Variants in AGMO observed in about 807,000 individuals in gnomAD.
The protein encoded by AGMO is alkylglycerol monooxygenase.
A neutral mutation model predicts 60.2 loss-of-function variants in AGMO; 75 were observed. That is an observed-to-expected ratio of 1.25 (90% CI 1.03 to 1.51). AGMO has a LOEUF of 1.51. Among genes scored for constraint, AGMO ranks in the 40% most tolerant of loss-of-function variants. The pLI, the probability that AGMO is intolerant of heterozygous loss-of-function variation, is 0.00. For synonymous variants in AGMO, 261 were observed against 177.1 expected, an observed-to-expected ratio of 1.47 and a Z score of -3.76; for missense variants, 763 against 525.5, an observed-to-expected ratio of 1.45 and a Z score of -4.42.
chr7:15,521,615 G>C (rs904472802), intron 3 of AGMO, among the ~76,000 whole-genome samples: 1 of 152,136 alleles, frequency 6.6e-6, no homozygotes, highest in African/African-American at 2.4e-5. Flanking sequence ...TATCTCAATA[G>C]ATGCAGAAAA....
At chr7:15,521,692 G>A (rs777167119) in intron 3 of AGMO, among the ~76,000 whole-genome samples, 11 of 152,088 alleles carry the variant, frequency 7.2e-5, no homozygotes, top group East Asian at 5.8e-4. Context: ...TTGATACAAC[G>A]TATCCCAAAG....
chr7:15,292,208 G>A (rs11982712), intron 12 of AGMO, among the ~76,000 whole-genome samples: 2,002 of 152,236 alleles, frequency 0.013, 48 homozygotes, highest in African/African-American at 0.042. Context: ...TCTTCATCTT[G>A]GCTAAACATT....
chr7:15,355,044 C>T (rs974817366), intron 12 of AGMO, among the ~76,000 whole-genome samples: 9 of 152,018 alleles, frequency 5.9e-5, no homozygotes, highest in African/African-American at 2.2e-4. Context: ...TTCCTGCACT[C>T]ACTAACATAG....
the AGMO span, among the ~76,000 whole-genome samples, chr7:15,184,303 CAGGG>C: frequency 1.4e-4 from 3 of 21,630 alleles, no homozygotes; most frequent in African/African-American, 3.8e-4. Context: ...GGGAGGCAGG[CAGGG>C]AGGGAGGGAA....
chr7:15,143,635 A>G, the AGMO span, among the ~76,000 whole-genome samples: 1 of 152,014 alleles, frequency 6.6e-6, no homozygotes, highest in Non-Finnish European at 1.5e-5. Flanking sequence ...ATTCAGTGAA[A>G]CAAGATGAGC....
intron 3 of AGMO, among the ~76,000 whole-genome samples, chr7:15,525,533 G>C (rs1784105604): frequency 1.3e-5 from 2 of 152,164 alleles, no homozygotes; most frequent in South Asian, 4.1e-4. Flanking sequence ...CTGAGAGAGA[G>C]ACCCCGCTGA....
chr7:15,361,018 G>A (rs907253804), intron 12 of AGMO, among the ~76,000 whole-genome samples: 3 of 152,182 alleles, frequency 2.0e-5, no homozygotes, highest in African/African-American at 7.2e-5. Flanking sequence ...GCTATAGCTA[G>A]AATATTGGCA....
At chr7:15,343,879 G>C (rs994541921) in intron 12 of AGMO, among the ~76,000 whole-genome samples, 1 of 152,120 alleles carries the variant, frequency 6.6e-6, no homozygotes, top group Non-Finnish European at 1.5e-5. Context: ...TCTTAAGCAA[G>C]CATAGTTTAA....
intron 12 of AGMO, among the ~76,000 whole-genome samples, chr7:15,217,261 C>T (rs1781767924): frequency 6.6e-6 from 1 of 151,898 alleles, no homozygotes; most frequent in Non-Finnish European, 1.5e-5. Context: ...TTCCCATATC[C>T]CAAGGAACAT....
intron 6 of AGMO, among the ~76,000 whole-genome samples, chr7:15,391,653 G>C (rs1233460201): frequency 6.6e-6 from 1 of 152,038 alleles, no homozygotes; most frequent in Admixed American, 6.6e-5. Flanking sequence ...CCACACATTT[G>C]AATGCACAAA....
chr7:15,255,870 A>G (rs1425190765), intron 12 of AGMO, among the ~76,000 whole-genome samples: 2 of 152,240 alleles, frequency 1.3e-5, no homozygotes, highest in African/African-American at 4.8e-5. Context: ...GTAAAGCACC[A>G]TGATGAAATA....
At chr7:15,288,423 T>G (rs1274537095) in intron 12 of AGMO, among the ~76,000 whole-genome samples, 1 of 152,176 alleles carries the variant, frequency 6.6e-6, no homozygotes, top group Non-Finnish European at 1.5e-5. Context: ...TCACGAGGCA[T>G]TTCTTCCTGA....
chr7:15,130,445 C>T, the AGMO span, among the ~76,000 whole-genome samples: 17 of 152,054 alleles, frequency 1.1e-4, no homozygotes, highest in South Asian at 3.5e-3. Flanking sequence ...CATCTTTCTC[C>T]ACTCCTCACT....
chr7:15,310,482 A>G (rs1780737912), intron 12 of AGMO, among the ~76,000 whole-genome samples: 1 of 152,160 alleles, frequency 6.6e-6, no homozygotes, highest in Non-Finnish European at 1.5e-5. Flanking sequence ...TACTAATACT[A>G]AAAAACAAAA....
the AGMO span, among the ~76,000 whole-genome samples, chr7:15,185,498 C>T: frequency 6.6e-6 from 1 of 152,182 alleles, no homozygotes; most frequent in Non-Finnish European, 1.5e-5. Context: ...CTAAACCACG[C>T]ACTTTGGTAC....
At chr7:15,551,336 G>T (rs1784954725) in intron 2 of AGMO, among the ~76,000 whole-genome samples, 1 of 150,470 alleles carries the variant, frequency 6.6e-6, no homozygotes, top group Non-Finnish European at 1.5e-5. Flanking sequence ...GGCAGGAGAA[G>T]GAAATAAAGG....
intron 3 of AGMO, among the ~76,000 whole-genome samples, chr7:15,455,626 G>A (rs1206158762): frequency 6.6e-6 from 1 of 152,078 alleles, no homozygotes; most frequent in East Asian, 1.9e-4. Context: ...AGCAACTTCT[G>A]AAAATATGTT....
chr7:15,221,407 G>T (rs74547371), intron 12 of AGMO, among the ~76,000 whole-genome samples: 1 of 151,494 alleles, frequency 6.6e-6, no homozygotes, highest in Non-Finnish European at 1.5e-5. Context: ...CAGAAAGAGA[G>T]AAAAAAAATG....
At chr7:15,404,187 G>C (rs1030898741) in intron 5 of AGMO, among the ~76,000 whole-genome samples, 2 of 151,860 alleles carry the variant, frequency 1.3e-5, no homozygotes, top group South Asian at 2.1e-4. Flanking sequence ...AGAGTTAAAG[G>C]CTTAGTTTTA....
Sources: gnomAD v4.1 joint callset for allele counts (sites outside exome capture counted in the v4.1 genomes callset) on GRCh38, gnomAD v4.1.1 for gene constraint, MANE v1.5 for transcripts, NCBI Gene and HGNC (gene_info 2026-07-23, HGNC 2026-07-21) for gene names.